Variants in DMXL1 observed in about 807,000 individuals in gnomAD.
DMXL1 encodes Dmx like 1, also known as dmX-like protein 1.
In DMXL1, 99 loss-of-function variants were observed where a neutral mutation model predicts 319.2. That is an observed-to-expected ratio of 0.31 (90% CI 0.26 to 0.37). DMXL1 has a LOEUF of 0.37. Ranked by LOEUF, DMXL1 falls within the 10% of genes least tolerant of loss-of-function variation. The pLI, the probability that DMXL1 is intolerant of heterozygous loss-of-function variation, is 1.00. For missense variants in DMXL1, 3,745 were observed against 3,595.6 expected (o/e 1.04, Z -1.06); for synonymous variants, 1,385 against 1,235.2 (o/e 1.12, Z -2.54).
At chr5:119,154,413 C>G (rs1446534711) in intron 19 of DMXL1, among the ~76,000 whole-genome samples, 1 of 152,212 alleles carries the variant, frequency 6.6e-6, no homozygotes, top group Non-Finnish European at 1.5e-5. Context: ...GCAAGGTAGC[C>G]TTATTGCTTA....
At chr5:119,140,940 A>G (rs916101333) in intron 13 of DMXL1, among the ~76,000 whole-genome samples, 3 of 152,212 alleles carry the variant, frequency 2.0e-5, no homozygotes, top group African/African-American at 7.2e-5. Context: ...CCGGGATGCA[A>G]GTTTTGTTCA....
intron 2 of DMXL1, 41 bp from the exon 3 acceptor site, chr5:119,101,894 G>A: frequency 7.4e-7 from 1 of 1,343,558 alleles, no homozygotes; most frequent in Admixed American, 2.2e-5. Context: ...TCATAAGTAA[G>A]TTAACATATC....
intron 25 of DMXL1, 50 bp from the exon 26 acceptor site, chr5:119,175,211 C>G: frequency 7.1e-7 from 1 of 1,415,692 alleles, no homozygotes; most frequent in Non-Finnish European, 9.7e-7. Flanking sequence ...GAAAAAAAAT[C>G]TGCACTTTAA....
chr5:119,150,213 T>G lies in DMXL1; in HGVS notation c.4386T>G (p.Asp1462Glu), dbSNP rs1044948773. The change falls in exon 18 of 44, where the codon GAT (aspartate) becomes GAG (glutamate). Residue 1462 changes from aspartate (D) to glutamate (E), a missense_variant. Around this residue, in one of 4 missense-constraint regions of DMXL1, gnomAD observed 2,096 missense variants for 1,985.4 expected, o/e 1.06. Coordinates refer to ENST00000539542, the MANE Select transcript of DMXL1 (RefSeq NM_001290321.3). ...CTGATACTCATATGTTAGAGACAGATGAAGAAAATACAAAGCCTAGAGTTA... is the reference window on the plus strand; with the variant it reads ...CTGATACTCATATGTTAGAGACAGAGGAAGAAAATACAAAGCCTAGAGTTA... ...LMTDTHMLET[D>E]EENTKPRVID... 1 of 1,613,774 alleles carries G rather than the reference T, an allele frequency of 6.2e-7. No homozygotes were observed. The highest frequency in any genetic ancestry group is 1.1e-5 in the South Asian group (1 of 91,068).
At chr5:119,194,949 G>A (rs1581251833) in intron 30 of DMXL1, among the ~76,000 whole-genome samples, 1 of 151,452 alleles carries the variant, frequency 6.6e-6, no homozygotes, top group South Asian at 2.1e-4. Context: ...CTCCAAAGAC[G>A]ATATGAAAAT....
Position 119,249,106 on chromosome 5 carries a change from TAAAC to T in DMXL1, c.*1890_*1893del, listed in dbSNP as rs1029194873. 1 of 152,584 alleles carries T rather than the reference TAAAC, an allele frequency of 6.6e-6. No homozygotes were observed. Among genetic ancestry groups the T allele is most frequent in the African/African-American group, 2.4e-5 (1 of 41,466 alleles). The allele number at this position is 152,584 out of a possible 1,614,324, so 9.5% of individuals were successfully genotyped here. The stretch of plus-strand genomic sequence containing the variant: ...ACATCCAGAGTCATAATATTTTAAA[TAAAC>T]AATCATGCAGAAACTTTTTTAGGGG... On this transcript the variant is annotated 3_prime_UTR_variant, in exon 44 of 44. Coordinates refer to ENST00000539542, the MANE Select transcript of DMXL1 (RefSeq NM_001290321.3).
chr5:119,082,797 C>T (rs552053857), intron 1 of DMXL1, among the ~76,000 whole-genome samples: 75 of 152,240 alleles, frequency 4.9e-4, no homozygotes, highest in African/African-American at 1.4e-3. Context: ...GTGATCTGTC[C>T]AACACTAGGT....
chr5:119,130,353 G>GT (rs1011590087), intron 10 of DMXL1, among the ~76,000 whole-genome samples: 47 of 149,536 alleles, frequency 3.1e-4, no homozygotes, highest in Middle Eastern at 6.9e-3. Flanking sequence ...TTGTTTGTTT[G>GT]TTTTTTTTTG....
chr5:119,160,948 T>C (rs987625599), intron 19 of DMXL1, among the ~76,000 whole-genome samples: 13 of 152,246 alleles, frequency 8.5e-5, no homozygotes, highest in Non-Finnish European at 1.3e-4. Flanking sequence ...TTATTCCAAA[T>C]ATTCGTCAGT....
At chr5:119,090,248 G>A (rs557946407) in intron 1 of DMXL1, among the ~76,000 whole-genome samples, 2 of 151,008 alleles carry the variant, frequency 1.3e-5, no homozygotes, top group South Asian at 2.1e-4. Context: ...CTGGAACTCC[G>A]GACCTCAGGT....
chr5:119,226,336 G>C (rs773547769), intron 38 of DMXL1, among the ~76,000 whole-genome samples: 2 of 152,150 alleles, frequency 1.3e-5, no homozygotes, highest in Non-Finnish European at 2.9e-5. Context: ...TTTTCGTGTT[G>C]TGAAAATGTT....
chr5:119,180,066 T>C (rs1166240554), intron 28 of DMXL1, among the ~76,000 whole-genome samples: 1 of 152,222 alleles, frequency 6.6e-6, no homozygotes, highest in East Asian at 1.9e-4. Context: ...CATTATTTAT[T>C]TGTTGGATTG....
intron 18 of DMXL1, among the ~76,000 whole-genome samples, chr5:119,151,500 T>C (rs2150148871): frequency 6.6e-6 from 1 of 152,312 alleles, no homozygotes; most frequent in African/African-American, 2.4e-5. Flanking sequence ...GTTTTTAGTT[T>C]TTGCTTCAAG....
intron 13 of DMXL1, among the ~76,000 whole-genome samples, chr5:119,139,385 C>T (rs182169460): frequency 1.3e-5 from 2 of 152,278 alleles, no homozygotes; most frequent in African/African-American, 4.8e-5. Context: ...AGACCCCTCT[C>T]ACATGTAATG....
rs548907127 is a variant in DMXL1, at chr5:119,244,341, T to G, written c.8705-18T>G. ...TTTATTGTTAAGTGTTTTTGTTTTT[T>G]TTTTAATTTACTTTCAGCATTTACC... On this transcript the variant is annotated intron_variant, in intron 42 of 43. Coordinates refer to ENST00000539542, the MANE Select transcript of DMXL1 (RefSeq NM_001290321.3). The G allele has an allele frequency of 6.3e-7, 1 of 1,582,560 alleles. No homozygotes were observed. Among genetic ancestry groups the G allele is most frequent in the Admixed American group, 1.8e-5 (1 of 54,154 alleles).
chr5:119,129,322 C>T lies in DMXL1; in HGVS notation c.1214C>T (p.Ser405Phe). Residue 405 changes from serine (S) to phenylalanine (F), a missense_variant, in exon 10 of 44, where the codon TCC (serine) becomes TTC (phenylalanine). This residue lies in a region of DMXL1 where 2,096 missense variants were observed against 1,985.4 expected (regional missense o/e 1.06). Coordinates refer to ENST00000539542, the MANE Select transcript of DMXL1 (RefSeq NM_001290321.3). ...LNNKELHFTL[S>F]MEVFLQQLRK... ...AATAAAGAACTGCATTTTACTTTGT[C>T]CATGGAAGTTTTTTTACAGCAACTT... 1 of 1,613,658 alleles carries T rather than the reference C, an allele frequency of 6.2e-7. No homozygotes were observed. The highest frequency in any genetic ancestry group is 8.5e-7 in the Non-Finnish European group (1 of 1,179,800).
chr5:119,095,513 G>C (rs1488022308), intron 1 of DMXL1, among the ~76,000 whole-genome samples: 1 of 152,202 alleles, frequency 6.6e-6, no homozygotes, highest in African/African-American at 2.4e-5. Context: ...CGTAATATCT[G>C]AAATTAGGTA....
chr5:119,172,696 A>G (rs1774832076), intron 25 of DMXL1, among the ~76,000 whole-genome samples: 1 of 152,178 alleles, frequency 6.6e-6, no homozygotes, highest in Non-Finnish European at 1.5e-5. Context: ...CCTTTGAAGT[A>G]TAACTGACTT....
rs1276545309 is a variant in DMXL1, at chr5:119,149,909, A to G, written c.4082A>G (p.Asn1361Ser). Residue 1361 changes from asparagine to serine, a missense_variant, in exon 18 of 44, where the codon AAT becomes AGT. By Grantham distance (46) the Asn-to-Ser change is conservative. This residue lies in a region of DMXL1 where 2,096 missense variants were observed against 1,985.4 expected (regional missense o/e 1.06). Transcript: ENST00000539542. ...ATTGCTGGGGAAGTTGTGGCTCTGA[A>G]TGAAGCTGAATCTAATCATGAACGC... ...KCIAGEVVALNEAESNHERRL... is the reference protein window; with the variant it reads ...KCIAGEVVALSEAESNHERRL... 1.9e-6 allele frequency: 3 copies of G among 1,613,774 alleles called. No individual in the cohort carries two copies. The African/African-American group carries it at 4.0e-5, about 22-fold the overall frequency.
Sources: allele counts gnomAD v4.1 joint callset (sites outside exome capture counted in the v4.1 genomes callset), GRCh38; gene constraint gnomAD v4.1.1; regional missense constraint gnomAD v4.1.1; transcripts MANE v1.5; gene names NCBI Gene and HGNC (gene_info 2026-07-23, HGNC 2026-07-21).